Variants in FARP2 observed in about 807,000 individuals in gnomAD.
FARP2 encodes FERM, ARHGEF and pleckstrin domain-containing protein 2.
FARP2 carries 111 observed loss-of-function variants against 130.5 expected under a neutral mutation model. That is an observed-to-expected ratio of 0.85 (90% CI 0.73 to 1.00). The LOEUF (loss-of-function observed/expected upper bound fraction) is 1.00. Ranked by LOEUF, FARP2 falls within the 50% of genes least tolerant of loss-of-function variation. The pLI is 0.00. For synonymous variants in FARP2, 504 were observed against 516.9 expected, an observed-to-expected ratio of 0.98 and a Z score of 0.34; for missense variants, 1,385 against 1,346.3, an observed-to-expected ratio of 1.03 and a Z score of -0.45.
At chr2:241,435,376 G>A (rs575240048) in intron 11 of FARP2, among the ~76,000 whole-genome samples, 320 of 151,854 alleles carry the variant, frequency 2.1e-3, no homozygotes, top group African/African-American at 7.3e-3. Flanking sequence ...AAAGTGCTGC[G>A]ATTATAGGTG....
chr2:241,463,993 G>A lies in FARP2; in HGVS notation c.1893+13G>A, dbSNP rs2064098584. The A allele has an allele frequency of 1.9e-6, 3 of 1,606,416 alleles. No individual in the cohort carries two copies. The highest frequency in any genetic ancestry group is 8.5e-7 in the Non-Finnish European group (1 of 1,173,306). ...GCGCCAGTTAAAGGTAGGCTGCATG[G>A]TGACTACTGCCTACATGAATGCTGT... On this transcript the variant is annotated intron_variant, in intron 17 of 26. Transcript: ENST00000264042.
At chr2:241,456,563 C>T (rs1473561267) in intron 13 of FARP2, 184 bp from the exon 14 acceptor site, 2 of 625,326 alleles carry the variant, frequency 3.2e-6, no homozygotes, top group East Asian at 3.0e-5. Context: ...CATCAACCCT[C>T]ATTTTCATTT....
chr2:241,406,547 A>G (rs1000625421), intron 4 of FARP2, among the ~76,000 whole-genome samples: 3 of 150,516 alleles, frequency 2.0e-5, no homozygotes, highest in Non-Finnish European at 4.4e-5. Flanking sequence ...CCTGGGCTCC[A>G]CCAGTCCTCC....
At position 241,441,765 on chromosome 2, in the gene FARP2, T is replaced by C. The variant is rs958459454; in HGVS notation, c.1411+209T>C. On this transcript the variant is annotated intron_variant, in intron 13 of 26. Transcript: ENST00000264042. ...ACCGGCAGTGTCGTGGGGGGGCCCC[T>C]GCTTTCACATTGACAAATGCCCAGC... is the stretch of plus-strand genomic sequence containing the variant. The C allele has an allele frequency of 1.0e-4, 70 of 684,252 alleles. No homozygotes were observed. The African/African-American group carries it at 1.2e-3, about 11-fold the overall frequency. The allele number at this position is 684,252 out of a possible 1,614,324, so 42.4% of individuals were successfully genotyped here. A position where few individuals can be genotyped will look rare whatever the true frequency, so the allele number is the denominator to read the frequency against.
intron 2 of FARP2, among the ~76,000 whole-genome samples, chr2:241,403,584 A>G (rs1389550744): frequency 6.6e-6 from 1 of 152,250 alleles, no homozygotes; most frequent in Non-Finnish European, 1.5e-5. Flanking sequence ...GTTACAAAGA[A>G]ATAGGACTGA....
chr2:241,380,589 CTGAAT>C (rs1198755054), intron 2 of FARP2, among the ~76,000 whole-genome samples: 1 of 151,874 alleles, frequency 6.6e-6, no homozygotes, highest in Non-Finnish European at 1.5e-5. Flanking sequence ...AATCCAAAAC[CTGAAT>C]TGTTCCATGA....
intron 2 of FARP2, 48 bp from the exon 3 acceptor site, chr2:241,403,780 T>C (rs771723381): frequency 2.6e-6 from 3 of 1,162,056 alleles, no homozygotes; most frequent in South Asian, 1.3e-5. Context: ...AAACCCTTGC[T>C]GTTTAGTCTT....
At chr2:241,388,017 A>G (rs1031719292) in intron 2 of FARP2, among the ~76,000 whole-genome samples, 1 of 152,208 alleles carries the variant, frequency 6.6e-6, no homozygotes, top group African/African-American at 2.4e-5. Flanking sequence ...CTACAGATTC[A>G]ATATGATTTC....
intron 2 of FARP2, among the ~76,000 whole-genome samples, chr2:241,387,863 A>G (rs546680937): frequency 2.2e-4 from 34 of 152,196 alleles, no homozygotes; most frequent in African/African-American, 4.8e-4. Flanking sequence ...TTTGGATTCA[A>G]TTTAACAAAA....
At chr2:241,466,187 A>G (rs2064164302) in intron 17 of FARP2, 1 of 985,180 alleles carries the variant, frequency 1.0e-6, no homozygotes. Context: ...CCACCCCCTC[A>G]CGGGGCATAA....
intron 1 of FARP2, among the ~76,000 whole-genome samples, chr2:241,359,769 G>A (rs761598070): frequency 1.3e-5 from 2 of 152,184 alleles, no homozygotes; most frequent in Admixed American, 6.5e-5. Context: ...ATGCAATCAC[G>A]ATGGGGTTGA....
At chr2:241,468,787 G>C (rs1559800795) in intron 18 of FARP2, among the ~76,000 whole-genome samples, 1 of 152,248 alleles carries the variant, frequency 6.6e-6, no homozygotes, top group Non-Finnish European at 1.5e-5. Flanking sequence ...CTGTCCTGGA[G>C]GCCTTGGCTC....
intron 5 of FARP2, among the ~76,000 whole-genome samples, chr2:241,409,675 G>A (rs182295053): frequency 6.6e-6 from 1 of 152,226 alleles, no homozygotes; most frequent in East Asian, 1.9e-4. Flanking sequence ...ATAGATATCA[G>A]AACTTTAAAG....
At chr2:241,450,882 G>A (rs2063638731) in intron 13 of FARP2, among the ~76,000 whole-genome samples, 1 of 152,206 alleles carries the variant, frequency 6.6e-6, no homozygotes, top group African/African-American at 2.4e-5. Flanking sequence ...AATCCAGGAA[G>A]CGGAGGTTGT....
chr2:241,462,550 A>G lies in FARP2; in HGVS notation c.1615A>G (p.Ile539Val). The G allele has an allele frequency of 6.2e-7, 1 of 1,614,050 alleles. No individual in the cohort carries two copies. The highest frequency in any genetic ancestry group is 8.5e-7 in the Non-Finnish European group (1 of 1,179,868). The change falls in exon 15 of 27, where the codon ATA (isoleucine) becomes GTA (valine). Residue 539 changes from isoleucine (I) to valine (V), a missense_variant. Transcript: ENST00000264042. ...CGTGCCTGCAGACGAGGCCTACTTC[A>G]TAGTCAAAGAGATTCTCGCTACAGA... is the stretch of plus-strand genomic sequence containing the variant. ...KRVPADEAYF[I>V]VKEILATERT...
intron 2 of FARP2, among the ~76,000 whole-genome samples, chr2:241,390,949 C>G (rs1183059629): frequency 6.6e-6 from 1 of 152,134 alleles, no homozygotes; most frequent in Non-Finnish European, 1.5e-5. Context: ...TATTTGATTT[C>G]CCAGGCAGGC....
At chr2:241,486,410 C>T (rs116766954) in intron 21 of FARP2, among the ~76,000 whole-genome samples, 1,487 of 133,158 alleles carry the variant, frequency 0.011, 32 homozygotes, top group African/African-American at 0.041. Context: ...TGTAGTGAGC[C>T]GTGATCGTAC....
intron 13 of FARP2, among the ~76,000 whole-genome samples, chr2:241,454,951 A>G (rs980363518): frequency 3.3e-5 from 5 of 152,154 alleles, no homozygotes; most frequent in African/African-American, 1.2e-4. Flanking sequence ...CTGATTTGTC[A>G]ATGTGAAAAT....
intron 2 of FARP2, among the ~76,000 whole-genome samples, chr2:241,382,470 A>T (rs988425948): frequency 2.0e-5 from 3 of 151,588 alleles, no homozygotes; most frequent in Admixed American, 6.6e-5. Flanking sequence ...TTTTGGAGAG[A>T]TGGGGTTTCC....
Sources: allele counts gnomAD v4.1 joint callset (sites outside exome capture counted in the v4.1 genomes callset), GRCh38; gene constraint gnomAD v4.1.1; transcripts MANE v1.5; gene names NCBI Gene and HGNC (gene_info 2026-07-23, HGNC 2026-07-21).